Variants in CLSTN2 observed in about 807,000 individuals in gnomAD.
CLSTN2 encodes calsyntenin 2, also known as calsyntenin-2.
A neutral mutation model predicts 101.2 loss-of-function variants in CLSTN2; 48 were observed. The observed-to-expected ratio is 0.47, with a 90% confidence interval of 0.38 to 0.60. CLSTN2 has a LOEUF of 0.60. CLSTN2 is among the 20% of genes least tolerant of loss of function. The probability of loss-of-function intolerance (pLI) is 0.00; values close to 1 mark genes in which losing one functional copy is unlikely to be tolerated. For missense variants in CLSTN2, 1,160 were observed against 1,238.2 expected, an observed-to-expected ratio of 0.94 and a Z score of 0.95; for synonymous variants, 481 against 463.6, an observed-to-expected ratio of 1.04 and a Z score of -0.48.
At chr3:140,514,789 G>C (rs1278080409) in intron 8 of CLSTN2, among the ~76,000 whole-genome samples, 1 of 152,000 alleles carries the variant, frequency 6.6e-6, no homozygotes, top group Non-Finnish European at 1.5e-5. Flanking sequence ...ATGCCACCAT[G>C]CCAACATCTA....
In CLSTN2 at chr3:140,572,215, G is replaced by A. The variant is rs1985577864; in HGVS notation, c.*5962G>A. ...AGTCAGATGACAGGTGTAATTCTAG[G>A]GGCCCTGATATGCATCACTGAGGCA... On this transcript the variant is annotated 3_prime_UTR_variant, in exon 17 of 17. Transcript: ENST00000458420. The A allele has an allele frequency of 6.6e-6, 1 of 152,180 alleles. No individual in the cohort carries two copies. Among genetic ancestry groups the A allele is most frequent in the South Asian group, 2.1e-4 (1 of 4,826 alleles). The allele number at this position is 152,180 out of a possible 1,614,324, so 9.4% of individuals were successfully genotyped here.
intron 2 of CLSTN2, among the ~76,000 whole-genome samples, chr3:140,284,155 T>C (rs2086873705): frequency 6.6e-6 from 1 of 151,954 alleles, no homozygotes; most frequent in Non-Finnish European, 1.5e-5. Flanking sequence ...TAAACCTTTA[T>C]TCCAAAGATA....
chr3:140,472,227 C>T (rs902299920), intron 8 of CLSTN2, among the ~76,000 whole-genome samples: 7 of 152,146 alleles, frequency 4.6e-5, no homozygotes, highest in Non-Finnish European at 7.4e-5. Context: ...GCCCGAGTTC[C>T]CCAGAGCCAG....
chr3:139,976,499 A>G (rs1935821239), intron 1 of CLSTN2, among the ~76,000 whole-genome samples: 1 of 152,250 alleles, frequency 6.6e-6, no homozygotes, highest in Non-Finnish European at 1.5e-5. Flanking sequence ...ACTGAGGCTC[A>G]GGGACTTTAA....
rs538832458 is a variant in CLSTN2 at position 140,398,544 on chromosome 3, G to T, written c.233-5085G>T. On this transcript the variant is annotated intron_variant, in intron 2 of 16. Transcript: ENST00000458420. ...TTTTTGAACCCTTACAAAGTGTCTT[G>T]GGGATGCCAGACTGACAGAGCACAC... Among the ~76,000 whole-genome samples the T allele has an allele frequency of 3.9e-5, 6 of 152,230 alleles. No homozygotes were observed. The East Asian group carries it at 1.2e-3, about 29-fold the overall frequency.
chr3:140,161,862 G>A (rs2010052413), intron 1 of CLSTN2, among the ~76,000 whole-genome samples: 1 of 152,248 alleles, frequency 6.6e-6, no homozygotes, highest in Middle Eastern at 3.4e-3. Flanking sequence ...CTTTCGTTTT[G>A]TAGGTTATAC....
intron 1 of CLSTN2, among the ~76,000 whole-genome samples, chr3:140,044,443 G>A (rs9917657): frequency 0.12 from 18,002 of 152,104 alleles, 1,392 homozygotes; most frequent in East Asian, 0.22. Context: ...AGACGATGGC[G>A]TTTTCTAGAT....
At chr3:140,182,276 G>A (rs929566464) in intron 2 of CLSTN2, among the ~76,000 whole-genome samples, 10 of 152,126 alleles carry the variant, frequency 6.6e-5, no homozygotes, top group South Asian at 6.2e-4. Context: ...TAAAATAAAT[G>A]CACTAGAGTT....
intron 1 of CLSTN2, among the ~76,000 whole-genome samples, chr3:140,083,993 G>C (rs2008640244): frequency 6.6e-6 from 1 of 152,172 alleles, no homozygotes; most frequent in Non-Finnish European, 1.5e-5. Context: ...ATAAACTGGA[G>C]ATCGGTAGGA....
At chr3:139,940,461 T>C (rs1429357032) in intron 1 of CLSTN2, among the ~76,000 whole-genome samples, 1 of 152,210 alleles carries the variant, frequency 6.6e-6, no homozygotes, top group African/African-American at 2.4e-5. Flanking sequence ...GTTTGGGGCA[T>C]GTAAAATGCA....
chr3:140,065,939 C>A (rs909516521), intron 1 of CLSTN2, among the ~76,000 whole-genome samples: 4 of 152,176 alleles, frequency 2.6e-5, no homozygotes, highest in Admixed American at 6.5e-5. Flanking sequence ...TAATGGTTTT[C>A]ATGTTTTCAT....
chr3:140,011,780 G>C (rs368259818), intron 1 of CLSTN2, among the ~76,000 whole-genome samples: 1 of 151,944 alleles, frequency 6.6e-6, no homozygotes, highest in Admixed American at 6.6e-5. Context: ...TGGCAGGATG[G>C]GTAAGTGTCT....
At chr3:140,448,385 C>G (rs6765235) in intron 5 of CLSTN2, 134 bp from the exon 6 acceptor site, 127,882 of 743,298 alleles carry the variant, frequency 0.17, 12,479 homozygotes, top group African/African-American at 0.34. Flanking sequence ...CCATTATTCT[C>G]AAACTGTTCC....
intron 7 of CLSTN2, among the ~76,000 whole-genome samples, chr3:140,463,672 T>A (rs1389741894): frequency 1.3e-5 from 2 of 151,998 alleles, no homozygotes; most frequent in Admixed American, 1.3e-4. Flanking sequence ...GCCCAGGGTG[T>A]CTGAATGCAA....
chr3:140,369,156 G>T (rs2107955917), intron 2 of CLSTN2, among the ~76,000 whole-genome samples: 1 of 152,292 alleles, frequency 6.6e-6, no homozygotes, highest in Non-Finnish European at 1.5e-5. Flanking sequence ...TCTCTGGCTA[G>T]ATTGTTGCTG....
At chr3:140,170,361 T>C (rs980546866) in intron 1 of CLSTN2, among the ~76,000 whole-genome samples, 1 of 152,202 alleles carries the variant, frequency 6.6e-6, no homozygotes, top group African/African-American at 2.4e-5. Context: ...ATTTTGTTTA[T>C]GAATCAATCT....
At chr3:140,190,916 ATTGTCTTT>A (rs2010557512) in intron 2 of CLSTN2, among the ~76,000 whole-genome samples, 1 of 151,410 alleles carries the variant, frequency 6.6e-6, no homozygotes, top group Admixed American at 6.6e-5. Flanking sequence ...TTTCCTTTTT[ATTGTCTTT>A]ATACTGACTA....
intron 1 of CLSTN2, among the ~76,000 whole-genome samples, chr3:140,070,204 G>C (rs1210612205): frequency 2.0e-5 from 3 of 152,234 alleles, no homozygotes; most frequent in Non-Finnish European, 4.4e-5. Context: ...TTAAGTCAGA[G>C]ATCTCATATT....
intron 1 of CLSTN2, among the ~76,000 whole-genome samples, chr3:140,013,090 G>T (rs1488312206): frequency 6.6e-6 from 1 of 152,240 alleles, no homozygotes; most frequent in African/African-American, 2.4e-5. Context: ...CCAAGGAGCA[G>T]CTATAGGGAG....
Sources: gnomAD v4.1 joint callset for allele counts (sites outside exome capture counted in the v4.1 genomes callset) on GRCh38, gnomAD v4.1.1 for gene constraint, MANE v1.5 for transcripts, NCBI Gene and HGNC (gene_info 2026-07-23, HGNC 2026-07-21) for gene names.